Variants in RNASE11 observed in about 807,000 individuals in gnomAD.
RNASE11 encodes the protein ribonuclease A family member 11 (inactive), also known as putative inactive ribonuclease 11.
For missense variants in RNASE11, 252 were observed against 237.8 expected (o/e 1.06, Z -0.39); for synonymous variants, 105 against 86.1 (o/e 1.22, Z -1.21).
In RNASE11 at chr14:20,583,802, G is replaced by A. The variant is rs889271919; in HGVS notation, c.*73C>T. 2.7e-6 allele frequency: 4 copies of A among 1,459,128 alleles called. No individual in the cohort carries two copies. In the African/African-American group the frequency reaches 4.3e-5, roughly 16 times the overall value. 90.4% of individuals were successfully genotyped at this position (1,459,128 alleles called of 1,614,324 possible). Reference sequence around the variant, plus strand: ...ATAGTGCTAAAGAGTAGATATTAAGGAAAGGTTTAAACAAGAATGAACAAG... The same window carrying A: ...ATAGTGCTAAAGAGTAGATATTAAGAAAAGGTTTAAACAAGAATGAACAAG... On this transcript the variant is annotated 3_prime_UTR_variant, in exon 2 of 2. Transcript: ENST00000553849.
chr14:20,585,156 G>T, intron 1 of RNASE11: 2 of 854,228 alleles, frequency 2.3e-6, no homozygotes, highest in Non-Finnish European at 2.8e-6. Flanking sequence ...GCAACAGAGG[G>T]GTAGATAGGG....
At chr14:20,586,886 A>G (rs1594473087) in intron 1 of RNASE11, among the ~76,000 whole-genome samples, 1 of 152,210 alleles carries the variant, frequency 6.6e-6, no homozygotes, top group Non-Finnish European at 1.5e-5. Context: ...ACAGTCACTC[A>G]TGCCTGTGGT....
At chr14:20,587,063 G>C (rs141115629) in intron 1 of RNASE11, among the ~76,000 whole-genome samples, 1 of 152,304 alleles carries the variant, frequency 6.6e-6, no homozygotes, top group South Asian at 2.1e-4. Flanking sequence ...TGAGAGGAGA[G>C]GATTTCTTGA....
upstream of RNASE11, among the ~76,000 whole-genome samples, chr14:20,588,788 T>C (rs1374475105): frequency 6.6e-6 from 1 of 152,110 alleles, no homozygotes; most frequent in Non-Finnish European, 1.5e-5. Context: ...TTAGAAAATA[T>C]TTATTTATTT....
At chr14:20,587,340 A>C (rs1409266621) in intron 1 of RNASE11, among the ~76,000 whole-genome samples, 3 of 152,196 alleles carry the variant, frequency 2.0e-5, no homozygotes, top group Non-Finnish European at 4.4e-5. Flanking sequence ...TTTTATCTGC[A>C]AGATATTTTT....
At chr14:20,584,632 A>T in intron 1 of RNASE11, 136 bp from the exon 3 acceptor site, 1 of 612,924 alleles carries the variant, frequency 1.6e-6, no homozygotes, top group Non-Finnish European at 2.6e-6. Flanking sequence ...GAACTATGAT[A>T]TAATAGAAAG....
exon 2 of RNASE11, chr14:20,584,322 T>C: frequency 1.2e-6 from 2 of 1,614,222 alleles, no homozygotes; most frequent in South Asian, 1.1e-5. Flanking sequence ...GGTTCATTAA[T>C]ATCTCAATGG....
At chr14:20,585,658 AG>A (rs577245335) in intron 1 of RNASE11, among the ~76,000 whole-genome samples, 183 of 152,366 alleles carry the variant, frequency 1.2e-3, no homozygotes, top group African/African-American at 4.1e-3. Flanking sequence ...TTAAGGAAAC[AG>A]GAAGAAGAGC....
At chr14:20,589,502 C>T (rs1884516560), upstream of RNASE11, among the ~76,000 whole-genome samples, 1 of 151,910 alleles carries the variant, frequency 6.6e-6, no homozygotes, top group Non-Finnish European at 1.5e-5. Flanking sequence ...ATCCACCCGC[C>T]TCGGCCTCCC....
At chr14:20,584,595 A>G (rs1464344279) in intron 1 of RNASE11, 99 bp from the exon 3 acceptor site, 1 of 975,954 alleles carries the variant, frequency 1.0e-6, no homozygotes, top group Non-Finnish European at 1.4e-6. Context: ...CCCTACATGT[A>G]GGTTAAAATT....
rs1043937094 is a variant in RNASE11, at chr14:20,583,801, G to A, written c.*74C>T. 26 of 1,455,882 alleles carry A rather than the reference G, an allele frequency of 1.8e-5. No homozygotes were observed. The Middle Eastern group carries it at 7.4e-4, about 41-fold the overall frequency. The allele number at this position is 1,455,882 out of a possible 1,614,324, so 90.2% of individuals were successfully genotyped here. On this transcript the variant is annotated 3_prime_UTR_variant, in exon 2 of 2. Coordinates refer to ENST00000553849, the Ensembl canonical transcript of RNASE11. Reference sequence around the variant, plus strand: ...TATAGTGCTAAAGAGTAGATATTAAGGAAAGGTTTAAACAAGAATGAACAA... The same window carrying A: ...TATAGTGCTAAAGAGTAGATATTAAAGAAAGGTTTAAACAAGAATGAACAA...
intron 1 of RNASE11, among the ~76,000 whole-genome samples, chr14:20,585,715 C>T (rs1884420846): frequency 1.3e-5 from 2 of 152,134 alleles, no homozygotes. Context: ...TTCAAGTGGG[C>T]AGCATTCATA....
chr14:20,590,241 T>G (rs769861707), upstream of RNASE11: 4 of 1,602,290 alleles, frequency 2.5e-6, no homozygotes, highest in South Asian at 4.5e-5. Context: ...TCCAATGCCA[T>G]TGAGAGAAGA....
chr14:20,589,411 G>A (rs1884513403), upstream of RNASE11, among the ~76,000 whole-genome samples: 2 of 151,606 alleles, frequency 1.3e-5, no homozygotes, highest in South Asian at 2.1e-4. Context: ...CCGCCACCAC[G>A]CCCGGCTAAT....
exon 2 of RNASE11, chr14:20,584,334 C>T (rs1459923496): frequency 3.1e-6 from 5 of 1,614,120 alleles, no homozygotes; most frequent in Middle Eastern, 1.6e-4. Flanking sequence ...TCTCAATGGT[C>T]TGTTTTTCTT....
chr14:20,584,079 G>A, exon 2 of RNASE11: 1 of 1,614,180 alleles, frequency 6.2e-7, no homozygotes, highest in Non-Finnish European at 8.5e-7. Flanking sequence ...TGGGGGCCCT[G>A]TGGACCCTGC....
chr14:20,586,531 T>C (rs904065301), intron 1 of RNASE11, among the ~76,000 whole-genome samples: 8 of 152,316 alleles, frequency 5.3e-5, no homozygotes, highest in African/African-American at 7.2e-5. Context: ...ATTGGGTTGA[T>C]GGATTATTGA....
intron 1 of RNASE11, among the ~76,000 whole-genome samples, chr14:20,587,200 G>A (rs1430452338): frequency 3.3e-5 from 5 of 152,130 alleles, no homozygotes; most frequent in Non-Finnish European, 7.3e-5. Context: ...GATACAGATA[G>A]ATAGATATAG....
At chr14:20,584,018 G>A in exon 2 of RNASE11, 1 of 1,614,202 alleles carries the variant, frequency 6.2e-7, no homozygotes, top group Non-Finnish European at 8.5e-7. Context: ...GTATTTTCCA[G>A]TTCTAGGCTC....
Sources: allele counts gnomAD v4.1 joint callset (sites outside exome capture counted in the v4.1 genomes callset), GRCh38; gene constraint gnomAD v4.1.1; transcripts MANE v1.5; gene names NCBI Gene and HGNC (gene_info 2026-07-23, HGNC 2026-07-21).